The following PRRT4 variants were observed in gnomAD, a reference collection of about 807,000 sequenced individuals.
The protein encoded by PRRT4 is proline-rich transmembrane protein 4.
Under a neutral mutation model 55.6 loss-of-function variants are expected in PRRT4, and 59 were observed. That is an observed-to-expected ratio of 1.06 (90% CI 0.86 to 1.32). PRRT4 has a LOEUF of 1.32. PRRT4 is among the 40% of genes most tolerant of loss of function. PRRT4 has a pLI of 0.00. For missense variants in PRRT4, 1,217 were observed against 1,222.0 expected (o/e 1.00, Z 0.06); for synonymous variants, 606 against 601.8 (o/e 1.01, Z -0.10).
At chr7:128,351,918 G>A in exon 5 of PRRT4, 1 of 1,307,578 alleles carries the variant, frequency 7.6e-7, no homozygotes, top group Non-Finnish European at 9.7e-7. Flanking sequence ...GGGCGAAGGG[G>A]CTGCGCCCCT....
chr7:128,351,941 T>C, exon 5 of PRRT4: 1 of 1,294,072 alleles, frequency 7.7e-7, no homozygotes, highest in Non-Finnish European at 9.8e-7. Flanking sequence ...GGCAGGGGTG[T>C]GGCGCCCTTG....
intron 4 of PRRT4, among the ~76,000 whole-genome samples, chr7:128,353,062 AGAACGGG>A: frequency 6.6e-6 from 1 of 152,212 alleles, no homozygotes; most frequent in Admixed American, 6.5e-5. Flanking sequence ...AAGCTTTATG[AGAACGGG>A]GATTTTTGTT....
chr7:128,360,254 C>T (rs2116502394), intron 1 of PRRT4, among the ~76,000 whole-genome samples, 191 bp from the exon 3 acceptor site: 1 of 152,300 alleles, frequency 6.6e-6, no homozygotes, highest in South Asian at 2.1e-4. Context: ...AGCACAAATC[C>T]CTGCCTGGGG....
chr7:128,359,766 G>T (rs1425519514), exon 2 of PRRT4: 1 of 1,548,048 alleles, frequency 6.5e-7, no homozygotes, highest in Non-Finnish European at 8.7e-7. Flanking sequence ...AGAGAGAGTG[G>T]CTGGGTCTCT....
intron 4 of PRRT4, among the ~76,000 whole-genome samples, chr7:128,353,259 G>A (rs147953429): frequency 6.6e-6 from 1 of 152,206 alleles, no homozygotes; most frequent in Non-Finnish European, 1.5e-5. Context: ...TAGAACCCAG[G>A]TCTGAACATC....
At position 128,358,844 on chromosome 7, in the gene PRRT4, A is replaced by G; in HGVS notation, c.758-44T>C. 2.0e-6 allele frequency: 3 copies of G among 1,489,616 alleles called. No homozygotes were observed. The highest frequency in any genetic ancestry group is 2.7e-6 in the Non-Finnish European group (3 of 1,122,764). 92.3% of individuals were successfully genotyped at this position (1,489,616 alleles called of 1,614,324 possible). ...GGGCTCAAGTGCCACCCCACCAACC[A>G]GCCTTGCCTCTGGGAGTTTGGAGAA... is the stretch of plus-strand genomic sequence containing the variant. On this transcript the variant is annotated intron_variant, in intron 3 of 4. Coordinates refer to ENST00000535159, the Ensembl canonical transcript of PRRT4. The surrounding 1 kb of genome is among the most constrained non-coding windows in gnomAD (Gnocchi z 4.4).
At chr7:128,351,092 G>A in exon 5 of PRRT4, 1 of 1,548,844 alleles carries the variant, frequency 6.5e-7, no homozygotes, top group East Asian at 2.4e-5. Flanking sequence ...GGCCTGTCGG[G>A]GCTGGAACAC....
At chr7:128,355,854 G>T (rs958048183) in intron 4 of PRRT4, among the ~76,000 whole-genome samples, 1 of 152,186 alleles carries the variant, frequency 6.6e-6, no homozygotes, top group Non-Finnish European at 1.5e-5. Context: ...AGCTGTCAGA[G>T]GTTAGCTCCA....
At chr7:128,350,643 G>A (rs541309298), downstream of PRRT4, 86 of 703,690 alleles carry the variant, frequency 1.2e-4, no homozygotes, top group African/African-American at 1.4e-3. Context: ...GCAGCTGAGG[G>A]CATCAGCACC....
At chr7:128,351,656 A>C (rs1341193118) in exon 5 of PRRT4, 10 of 1,512,936 alleles carry the variant, frequency 6.6e-6, no homozygotes, top group Non-Finnish European at 8.8e-6. Flanking sequence ...AGCTTGGCCC[A>C]GCAGCGCGGC....
At chr7:128,350,747 G>A, downstream of PRRT4, 2 of 1,471,956 alleles carry the variant, frequency 1.4e-6, no homozygotes, top group Admixed American at 4.4e-5. Context: ...AAGGAATCTG[G>A]AGAGGTATCT....
At chr7:128,351,445 G>C (rs1388974904) in exon 5 of PRRT4, 1 of 1,524,566 alleles carries the variant, frequency 6.6e-7, no homozygotes, top group Non-Finnish European at 8.8e-7. Context: ...GGACGGGGCC[G>C]GGTTGGCCGC....
chr7:128,352,291 T>A, exon 5 of PRRT4: 1 of 1,543,364 alleles, frequency 6.5e-7, no homozygotes, highest in Non-Finnish European at 8.7e-7. Flanking sequence ...CCTGTGCCCA[T>A]AGGCGTCGTA....
chr7:128,360,030 CTCAGTTGT>C, exon 2 of PRRT4: 1 of 1,298,924 alleles, frequency 7.7e-7, no homozygotes, highest in Non-Finnish European at 9.8e-7. Context: ...TGGGCAGGGA[CTCAGTTGT>C]TCAGCAGCTT....
At position 128,351,982 on chromosome 7, in the gene PRRT4, CG is replaced by C; in HGVS notation, c.1573del (p.Arg525GlyfsTer46). On this transcript the variant is annotated frameshift_variant, in exon 5 of 5. Coordinates refer to ENST00000535159, the Ensembl canonical transcript of PRRT4. LOFTEE classifies it high-confidence loss of function. ...CGACCCTCCCAGGGGCGCCCCGGCC[CG>C]CCGCCGCCGCCCGCCCCAGCAGGAG... is the stretch of plus-strand genomic sequence containing the variant. The C allele has an allele frequency of 7.8e-7, 1 of 1,284,892 alleles. No homozygotes were observed. The highest frequency in any genetic ancestry group is 9.9e-7 in the Non-Finnish European group (1 of 1,014,438). 79.6% of individuals were successfully genotyped at this position (1,284,892 alleles called of 1,614,324 possible). A position where few individuals can be genotyped will look rare whatever the true frequency, so the allele number is the denominator to read the frequency against.
chr7:128,359,723 G>A lies in PRRT4; in HGVS notation c.269C>T (p.Ala90Val), dbSNP rs756282290. The A allele has an allele frequency of 6.4e-6, 10 of 1,551,532 alleles. No homozygotes were observed. The South Asian group carries it at 1.1e-4, about 17-fold the overall frequency. Residue 90 changes from alanine (A) to valine (V), a missense_variant, in exon 2 of 5, where the codon GCC becomes GTC. Ala to Val is a moderately conservative substitution (Grantham distance 64, BLOSUM62 0). This residue lies in a region of PRRT4 where 564 missense variants were observed against 592.9 expected (regional missense o/e 0.95). Transcript: ENST00000535159. ...AAGGGGGTCAGTCCTCAGCCCACTG[G>A]CCACCTCTTCCCCTGGCTCCTGGCC... is the stretch of plus-strand genomic sequence containing the variant.
chr7:128,352,292 A>G, exon 5 of PRRT4: 1 of 1,543,466 alleles, frequency 6.5e-7, no homozygotes, highest in Non-Finnish European at 8.7e-7. Context: ...CTGTGCCCAT[A>G]GGCGTCGTAG....
Position 128,355,325 on chromosome 7 carries a change from G to A in PRRT4, c.878-2647C>T, listed in dbSNP as rs1007504257. Among the ~76,000 whole-genome samples the A allele has an allele frequency of 2.0e-5, 3 of 152,204 alleles. No homozygotes were observed. In the East Asian group the frequency reaches 5.8e-4, roughly 29 times the overall value. ...TGATTCTCCTGCCTCAGCCTCCCAA[G>A]TAGCTGGGATTACAGGTGCGTGCCA... On this transcript the variant is annotated intron_variant, in intron 4 of 4. Coordinates refer to ENST00000535159, the Ensembl canonical transcript of PRRT4.
chr7:128,350,591 G>T, downstream of PRRT4: 1 of 534,328 alleles, frequency 1.9e-6, no homozygotes, highest in Non-Finnish European at 3.4e-6. Context: ...CTTTATTGCT[G>T]GTGAATGCCA....
Sources: gnomAD v4.1 joint callset for allele counts (sites outside exome capture counted in the v4.1 genomes callset) on GRCh38, gnomAD v4.1.1 for gene constraint, gnomAD v4.1.1 regional missense constraint, Gnocchi (gnomAD v3.1) non-coding constraint, MANE v1.5 for transcripts, NCBI Gene and HGNC (gene_info 2026-07-23, HGNC 2026-07-21) for gene names.